Variants in SLC4A8 observed in about 807,000 individuals in gnomAD.
SLC4A8 encodes electroneutral sodium bicarbonate exchanger 1.
A neutral mutation model predicts 125.0 loss-of-function variants in SLC4A8; 40 were observed. The ratio of observed to expected loss-of-function variants is 0.32; its 90% confidence interval spans 0.25 to 0.42. SLC4A8 has a LOEUF of 0.42. SLC4A8 is among the 10% of genes least tolerant of loss of function. The pLI is 1.00. For synonymous variants in SLC4A8, 456 were observed against 476.0 expected (o/e 0.96, Z 0.55); for missense variants, 863 against 1,355.1 (o/e 0.64, Z 5.70).
At chr12:51,497,343 T>G in intron 22 of SLC4A8, 1 of 510,178 alleles carries the variant, frequency 2.0e-6, no homozygotes. Context: ...TTCCTTTGTT[T>G]ACAATCTACT....
intron 1 of SLC4A8, among the ~76,000 whole-genome samples, chr12:51,410,077 C>T (rs1948566050): frequency 6.6e-6 from 1 of 152,188 alleles, no homozygotes; most frequent in South Asian, 2.1e-4. Context: ...GAGGATTCTG[C>T]AGCTGGGCCT....
intron 1 of SLC4A8, among the ~76,000 whole-genome samples, chr12:51,436,309 T>C (rs1270129651): frequency 6.6e-6 from 1 of 152,226 alleles, no homozygotes; most frequent in Non-Finnish European, 1.5e-5. Context: ...TTTAAAATTC[T>C]TCTTTGTCCT....
At chr12:51,460,217 T>TG (rs781490081) in intron 8 of SLC4A8, 109 bp downstream of exon 8, 120 of 971,114 alleles carry the variant, frequency 1.2e-4, no homozygotes, top group Middle Eastern at 6.7e-4. Context: ...ATTTTAGGAA[T>TG]GGTGTTTACA....
intron 1 of SLC4A8, among the ~76,000 whole-genome samples, chr12:51,437,448 T>C (rs1378995787): frequency 6.6e-6 from 1 of 152,218 alleles, no homozygotes; most frequent in Non-Finnish European, 1.5e-5. Context: ...ATCCTCACAG[T>C]AATGAGTGAG....
chr12:51,427,326 A>C (rs1262575098), intron 1 of SLC4A8, among the ~76,000 whole-genome samples: 2 of 152,174 alleles, frequency 1.3e-5, no homozygotes, highest in African/African-American at 2.4e-5. Flanking sequence ...AACATGCAGA[A>C]TGTTTACAGG....
At chr12:51,437,945 G>A (rs1303766269) in intron 1 of SLC4A8, among the ~76,000 whole-genome samples, 1 of 152,086 alleles carries the variant, frequency 6.6e-6, no homozygotes, top group East Asian at 1.9e-4. Context: ...GTGATTCAGG[G>A]TATTGATAGG....
rs1949936513 is a variant in SLC4A8, at chr12:51,450,694, A to T, written c.131-182A>T. The T allele has an allele frequency of 2.7e-5, 17 of 623,336 alleles. No individual in the cohort carries two copies. The South Asian group carries it at 3.5e-4, about 13-fold the overall frequency. The allele number at this position is 623,336 out of a possible 1,614,324, so 38.6% of individuals were successfully genotyped here. On this transcript the variant is annotated intron_variant, in intron 2 of 24. Transcript: ENST00000453097. ...AGGCATGTGCAGGACAAAGGAAGAG[A>T]CCTTCAACTCCAAAATCTCTATATC...
chr12:51,449,699 A>T (rs1175612809), intron 2 of SLC4A8, among the ~76,000 whole-genome samples: 1 of 152,206 alleles, frequency 6.6e-6, no homozygotes, highest in Non-Finnish European at 1.5e-5. Flanking sequence ...AAAGCCAGGT[A>T]GAGGTGACAG....
At chr12:51,488,918 A>C (rs892981878) in intron 18 of SLC4A8, 58 bp downstream of exon 18, 3 of 1,446,942 alleles carry the variant, frequency 2.1e-6, no homozygotes, top group African/African-American at 1.4e-5. Context: ...TTTTCGTAAA[A>C]TTTTAGGGTA....
At chr12:51,461,654 C>T in intron 9 of SLC4A8, 1 of 218,714 alleles carries the variant, frequency 4.6e-6, no homozygotes, top group South Asian at 6.8e-5. Context: ...ACTCCTGTTC[C>T]ACTAAATGAG....
At chr12:51,400,785 TACAC>T (rs869278660) in intron 1 of SLC4A8, among the ~76,000 whole-genome samples, 1,108 of 11,106 alleles carry the variant, frequency 0.1, 186 homozygotes, top group Non-Finnish European at 0.13. Flanking sequence ...TATACATACA[TACAC>T]ACACACACAC....
At chr12:51,477,186 G>T (rs1222267863) in intron 16 of SLC4A8, among the ~76,000 whole-genome samples, 2 of 151,946 alleles carry the variant, frequency 1.3e-5, no homozygotes, top group Admixed American at 1.3e-4. Context: ...TTATAGGGGT[G>T]AGCCACCATG....
chr12:51,511,218 T>G lies in SLC4A8; in HGVS notation c.*3780T>G, dbSNP rs555452997. 3 of 152,322 alleles carry G rather than the reference T, an allele frequency of 2.0e-5. No individual in the cohort carries two copies. The South Asian group carries it at 6.2e-4, about 32-fold the overall frequency. The allele number at this position is 152,322 out of a possible 1,614,324, so 9.4% of individuals were successfully genotyped here. ...AGCTTGTTTCTGAGGCATGGTACAG[T>G]GCTGCGGAGGCAAGGCAAGGCTGTC... On this transcript the variant is annotated 3_prime_UTR_variant, in exon 25 of 25. Transcript: ENST00000453097.
intron 1 of SLC4A8, among the ~76,000 whole-genome samples, chr12:51,432,762 A>G (rs1235820019): frequency 2.6e-5 from 4 of 152,054 alleles, no homozygotes; most frequent in African/African-American, 4.8e-5. Context: ...AATCATCTCT[A>G]TATTTATTGA....
rs144115511 is a variant in SLC4A8, at chr12:51,404,877, G to T, written c.-112+13389G>T. ...TCTTTCCTTATTTTTTTCTTGTTTT[G>T]ATTGAAATTTGTTTGAGTGTGTTTT... On this transcript the variant is annotated intron_variant, in intron 1 of 24. Coordinates refer to the SLC4A8 transcript ENST00000358657. Among the ~76,000 whole-genome samples, 1,147 of 148,596 alleles carry T rather than the reference G, an allele frequency of 7.7e-3. 10 individuals are homozygous for T. Among genetic ancestry groups the T allele is most frequent in the Non-Finnish European group, 0.012 (794 of 67,084 alleles).
At chr12:51,441,758 T>C (rs1289371098) in intron 2 of SLC4A8, among the ~76,000 whole-genome samples, 1 of 152,184 alleles carries the variant, frequency 6.6e-6, no homozygotes, top group African/African-American at 2.4e-5. Context: ...ATCAAAGTTG[T>C]ACAACCTCCA....
At chr12:51,500,070 G>A (rs1013856687) in intron 22 of SLC4A8, among the ~76,000 whole-genome samples, 2 of 152,230 alleles carry the variant, frequency 1.3e-5, no homozygotes, top group African/African-American at 2.4e-5. Context: ...ATGGGTGAAA[G>A]AGGAATCAAG....
chr12:51,412,061 C>CA (rs1258770079), intron 1 of SLC4A8, among the ~76,000 whole-genome samples: 4 of 151,522 alleles, frequency 2.6e-5, no homozygotes, highest in Non-Finnish European at 5.9e-5. Context: ...GATCCTGTCT[C>CA]AAAAAAAGAA....
chr12:51,429,215 A>G (rs965770453), intron 1 of SLC4A8, among the ~76,000 whole-genome samples: 21 of 152,118 alleles, frequency 1.4e-4, no homozygotes, highest in African/African-American at 4.8e-4. Flanking sequence ...CCAGGCATAG[A>G]GAGGTTAAGT....
Sources: gnomAD v4.1 joint callset for allele counts (sites outside exome capture counted in the v4.1 genomes callset) on GRCh38, gnomAD v4.1.1 for gene constraint, MANE v1.5 for transcripts, NCBI Gene and HGNC (gene_info 2026-07-23, HGNC 2026-07-21) for gene names.